Variants in SLC30A6 observed in about 807,000 individuals in gnomAD.
The protein encoded by SLC30A6 is solute carrier family 30 member 6.
In SLC30A6, 55 loss-of-function variants were observed where a neutral mutation model predicts 63.0. That is an observed-to-expected ratio of 0.87 (90% CI 0.70 to 1.09). The LOEUF is 1.09. Ranked by LOEUF, SLC30A6 falls within the 50% of genes least tolerant of loss-of-function variation. The probability of loss-of-function intolerance (pLI) is 0.00; values close to 1 mark genes in which losing one functional copy is unlikely to be tolerated. For synonymous variants in SLC30A6, 224 were observed against 186.1 expected (o/e 1.20, Z -1.66); for missense variants, 587 against 549.2 (o/e 1.07, Z -0.69).
In SLC30A6 at chr2:32,191,723, C is replaced by T. The variant is rs369199295; in HGVS notation, c.285-613C>T. Among the ~76,000 whole-genome samples the T allele has an allele frequency of 6.6e-5, 10 of 152,032 alleles. No individual in the cohort carries two copies. In the South Asian group the frequency reaches 2.1e-3, roughly 32 times the overall value. On this transcript the variant is annotated intron_variant, in intron 5 of 13. Coordinates refer to ENST00000282587, the MANE Select transcript of SLC30A6 (RefSeq NM_017964.5). The stretch of plus-strand genomic sequence containing the variant: ...CTTCTTCGTGTCCTAAACTTCTTAT[C>T]TGTTTGGGAAAAAAAAATGAGCCAA...
chr2:32,197,880 T>G, intron 10 of SLC30A6, 54 bp downstream of exon 10: 2 of 1,602,382 alleles, frequency 1.2e-6, no homozygotes, highest in Non-Finnish European at 1.7e-6. Context: ...GACTTACTTT[T>G]AAGGGCATCA....
intron 10 of SLC30A6, chr2:32,203,854 C>T: frequency 8.0e-7 from 1 of 1,250,264 alleles, no homozygotes; most frequent in African/African-American, 1.5e-5. Flanking sequence ...GTCAAGTGGC[C>T]AGTCGGGCCG....
intron 13 of SLC30A6, among the ~76,000 whole-genome samples, chr2:32,214,988 A>C (rs1309923559): frequency 1.3e-5 from 2 of 152,142 alleles, no homozygotes; most frequent in Non-Finnish European, 2.9e-5. Context: ...AGGAATATAG[A>C]TATTTTCTCT....
intron 10 of SLC30A6, among the ~76,000 whole-genome samples, chr2:32,199,729 CATT>C (rs576388572): frequency 7.6e-4 from 116 of 152,306 alleles, no homozygotes; most frequent in Non-Finnish European, 7.5e-4. Flanking sequence ...TCCAGTGCAT[CATT>C]AATACCCACT....
chr2:32,198,738 C>T (rs1032265489), intron 10 of SLC30A6, among the ~76,000 whole-genome samples: 4 of 152,124 alleles, frequency 2.6e-5, no homozygotes, highest in African/African-American at 9.7e-5. Flanking sequence ...CACCTGCCAC[C>T]ACACCTGGCT....
intron 2 of SLC30A6, among the ~76,000 whole-genome samples, chr2:32,172,009 T>C (rs1681269371): frequency 6.6e-6 from 1 of 152,204 alleles, no homozygotes; most frequent in Non-Finnish European, 1.5e-5. Flanking sequence ...TTTCTCATTT[T>C]TAATGTAGGG....
chr2:32,184,443 C>A, intron 5 of SLC30A6, 105 bp downstream of exon 5: 3 of 549,848 alleles, frequency 5.5e-6, no homozygotes, highest in Non-Finnish European at 8.7e-6. Context: ...ATAAATGCTG[C>A]GTACTTAGTG....
Position 32,184,339 on chromosome 2 carries a change from G to A in SLC30A6, c.284+1G>A. On this transcript the variant is annotated splice_donor_variant, in intron 5 of 13. Coordinates refer to ENST00000282587, the MANE Select transcript of SLC30A6 (RefSeq NM_017964.5). LOFTEE classifies it high-confidence loss of function. Reference sequence around the variant, plus strand: ...AACCTAGCCCTGTCTATTCATTTGGGTAAGTTCAAATTATTTTATTTTCTG... The same window carrying A: ...AACCTAGCCCTGTCTATTCATTTGGATAAGTTCAAATTATTTTATTTTCTG... The A allele has an allele frequency of 6.8e-7, 1 of 1,479,008 alleles. No homozygotes were observed. The highest frequency in any genetic ancestry group is 1.5e-5 in the South Asian group (1 of 68,508). 91.6% of individuals were successfully genotyped at this position (1,479,008 alleles called of 1,614,324 possible). A position where few individuals can be genotyped will look rare whatever the true frequency, so the allele number is the denominator to read the frequency against.
At chr2:32,209,439 C>A in intron 12 of SLC30A6, 54 bp from the exon 13 acceptor site, 1 of 1,389,136 alleles carries the variant, frequency 7.2e-7, no homozygotes, top group South Asian at 1.2e-5. Context: ...GACTAAACTG[C>A]ATTGGATATG....
intron 4 of SLC30A6, among the ~76,000 whole-genome samples, chr2:32,176,710 CTT>C (rs1472326760): frequency 1.3e-5 from 2 of 151,742 alleles, no homozygotes; most frequent in East Asian, 3.9e-4. Context: ...CTTAAAATGA[CTT>C]TTAGTCTCTT....
At chr2:32,186,241 G>T (rs1350970564) in intron 5 of SLC30A6, among the ~76,000 whole-genome samples, 1 of 152,164 alleles carries the variant, frequency 6.6e-6, no homozygotes, top group Non-Finnish European at 1.5e-5. Flanking sequence ...CGCCATGTTG[G>T]TCAACCTGGT....
intron 7 of SLC30A6, 75 bp from the exon 8 acceptor site, chr2:32,193,814 C>A: frequency 8.7e-7 from 1 of 1,145,900 alleles, no homozygotes; most frequent in Non-Finnish European, 1.3e-6. Context: ...CCTCTTAGTC[C>A]CTCTACGTAT....
intron 8 of SLC30A6, among the ~76,000 whole-genome samples, chr2:32,194,374 AAAGT>A (rs1294134767): frequency 1.3e-5 from 2 of 152,246 alleles, no homozygotes; most frequent in Non-Finnish European, 2.9e-5. Context: ...TTCTGTTAAT[AAAGT>A]AAGTTCCCAG....
chr2:32,217,882 AC>A (rs1290430489), intron 13 of SLC30A6, among the ~76,000 whole-genome samples: 1 of 150,358 alleles, frequency 6.7e-6, no homozygotes, highest in Non-Finnish European at 1.5e-5. Flanking sequence ...TCTCTTTGTC[AC>A]CCAGGCTGGC....
intron 5 of SLC30A6, among the ~76,000 whole-genome samples, chr2:32,187,921 C>G (rs758413521): frequency 9.9e-5 from 15 of 152,176 alleles, no homozygotes; most frequent in Non-Finnish European, 2.1e-4. Flanking sequence ...CCAGCCCAGA[C>G]CAAGCTACTT....
chr2:32,197,258 A>G (rs1683872442), intron 8 of SLC30A6, 86 bp from the exon 9 acceptor site: 1 of 1,238,378 alleles, frequency 8.1e-7, no homozygotes, highest in Admixed American at 2.6e-5. Context: ...TGCCAAATTT[A>G]TTTTTTAAAA....
intron 5 of SLC30A6, among the ~76,000 whole-genome samples, chr2:32,190,458 CAAAA>C (rs35454386): frequency 3.9e-5 from 5 of 128,304 alleles, no homozygotes; most frequent in Admixed American, 7.9e-5. Flanking sequence ...GACTCCGTCT[CAAAA>C]AAAAAAAAAA....
At chr2:32,192,449 C>A (rs374086838) in intron 6 of SLC30A6, 33 bp downstream of exon 6, 1 of 1,565,998 alleles carries the variant, frequency 6.4e-7, no homozygotes, top group Non-Finnish European at 8.8e-7. Flanking sequence ...TCTAAATCCC[C>A]CCATGACACC....
intron 1 of SLC30A6, among the ~76,000 whole-genome samples, chr2:32,167,925 A>G (rs994122949): frequency 6.6e-6 from 1 of 152,160 alleles, no homozygotes. Flanking sequence ...TTGTGTACTT[A>G]TTTGTCTTTC....
Sources: gnomAD v4.1 joint callset for allele counts (sites outside exome capture counted in the v4.1 genomes callset) on GRCh38, gnomAD v4.1.1 for gene constraint, MANE v1.5 for transcripts, NCBI Gene and HGNC (gene_info 2026-07-23, HGNC 2026-07-21) for gene names.